Variants in DGKG observed in about 807,000 individuals in gnomAD.
The protein encoded by DGKG is DAG kinase gamma.
Under a neutral mutation model 105.3 loss-of-function variants are expected in DGKG, and 78 were observed. The observed-to-expected ratio is 0.74, with a 90% CI of 0.62 to 0.89. The LOEUF (loss-of-function observed/expected upper bound fraction) is 0.89. Ranked by LOEUF, DGKG falls within the 40% of genes least tolerant of loss-of-function variation. The probability of loss-of-function intolerance (pLI) is 0.00; values close to 1 mark genes in which losing one functional copy is unlikely to be tolerated. For synonymous variants in DGKG, 346 were observed against 367.1 expected, an observed-to-expected ratio of 0.94 and a Z score of 0.66; for missense variants, 958 against 1,020.1, an observed-to-expected ratio of 0.94 and a Z score of 0.83.
chr3:186,182,213 A>G (rs1717393282), intron 22 of DGKG, among the ~76,000 whole-genome samples: 1 of 152,262 alleles, frequency 6.6e-6, no homozygotes, highest in Non-Finnish European at 1.5e-5. Flanking sequence ...TTAGAGCCAC[A>G]GGCAATTTAA....
chr3:186,261,661 G>A (rs562521042), intron 15 of DGKG, 38 bp downstream of exon 15: 42 of 1,442,986 alleles, frequency 2.9e-5, no homozygotes, highest in Non-Finnish European at 3.5e-5. Context: ...GAGTCGTGTC[G>A]CCCTAGTTGC....
In DGKG at chr3:186,148,735, A is replaced by T. The variant is rs1715612023; in HGVS notation, c.*1355T>A. On this transcript the variant is annotated 3_prime_UTR_variant, in exon 25 of 25. Transcript: ENST00000265022. ...GTAAATCCAGCCCAGCAGGTCTTTC[A>T]TGCTTGTTTTGAGGATCCAGAATAG... 2.0e-6 allele frequency: 2 copies of T among 985,262 alleles called. No individual in the cohort carries two copies. The highest frequency in any genetic ancestry group is 9.4e-5 in the South Asian group (2 of 21,272). 61.0% of individuals were successfully genotyped at this position (985,262 alleles called of 1,614,324 possible). A position where few individuals can be genotyped will look rare whatever the true frequency, so the allele number is the denominator to read the frequency against.
At chr3:186,244,807 TC>T (rs1720860891) in intron 19 of DGKG, among the ~76,000 whole-genome samples, 1 of 151,898 alleles carries the variant, frequency 6.6e-6, no homozygotes, top group South Asian at 2.1e-4. Context: ...GAGGCCTCTG[TC>T]CCTGAGGCCT....
rs10692822 is a variant in DGKG at position 186,218,502 on chromosome 3, G to GAAAA, written c.1827-6621_1827-6618dup. 8.5e-5 allele frequency among the ~76,000 whole-genome samples: 6 copies of GAAAA among 70,374 alleles called. 1 individual carries two copies. Among genetic ancestry groups the GAAAA allele is most frequent in the Non-Finnish European group, 1.2e-4 (5 of 41,126 alleles). 46.2% of individuals were successfully genotyped at this position (70,374 alleles called of 152,430 possible). On this transcript the variant is annotated intron_variant, in intron 20 of 24. Transcript: ENST00000265022. ...CTGGCGACAGAGCGAGACTCCGTCT[G>GAAAA]AAAAAAAAAAAAAAAAAAAAAAAAT... is the stretch of plus-strand genomic sequence containing the variant.
chr3:186,317,191 T>C (rs1242889268), intron 2 of DGKG, among the ~76,000 whole-genome samples: 1 of 152,254 alleles, frequency 6.6e-6, no homozygotes, highest in Non-Finnish European at 1.5e-5. Flanking sequence ...CCCTCCATGC[T>C]GCACTCTTTT....
chr3:186,340,910 G>A (rs1044664106), intron 1 of DGKG, among the ~76,000 whole-genome samples: 3 of 152,062 alleles, frequency 2.0e-5, no homozygotes, highest in Non-Finnish European at 4.4e-5. Context: ...CAGTTTCTGG[G>A]TAGGGGCTTC....
intron 21 of DGKG, among the ~76,000 whole-genome samples, chr3:186,189,674 G>T (rs1389168564): frequency 6.6e-6 from 1 of 152,174 alleles, no homozygotes; most frequent in Admixed American, 6.5e-5. Flanking sequence ...TAGAAGACTT[G>T]TTGCCATTCA....
At position 186,211,898 on chromosome 3, in the gene DGKG, G is replaced by A; in HGVS notation, c.1827-13C>T. The A allele has an allele frequency of 2.5e-6, 4 of 1,601,826 alleles. No individual in the cohort carries two copies. Among genetic ancestry groups the A allele is most frequent in the Non-Finnish European group, 3.4e-6 (4 of 1,168,842 alleles). On this transcript the variant is annotated splice_polypyrimidine_tract_variant and intron_variant, in intron 20 of 24. Transcript: ENST00000265022. ...CTTGTTCTTCATCCTGGACCACAAA[G>A]CAGAGAGATGTCTCAATATTCCATA...
At chr3:186,190,401 A>C (rs1717848648) in intron 21 of DGKG, among the ~76,000 whole-genome samples, 1 of 152,208 alleles carries the variant, frequency 6.6e-6, no homozygotes, top group Admixed American at 6.5e-5. Context: ...TGGCTACCAC[A>C]CCAGTACTTC....
intron 24 of DGKG, 177 bp downstream of exon 24, chr3:186,161,426 C>T: frequency 2.1e-6 from 3 of 1,436,472 alleles, no homozygotes; most frequent in Non-Finnish European, 1.8e-6. Context: ...AGCAGGTTTT[C>T]ATTAAGAGTT....
intron 22 of DGKG, among the ~76,000 whole-genome samples, chr3:186,177,982 T>C (rs1717167169): frequency 6.6e-6 from 1 of 152,188 alleles, no homozygotes; most frequent in South Asian, 2.1e-4. Flanking sequence ...AATCATATTA[T>C]GAGGGTGGAG....
At chr3:186,178,887 A>G (rs998070622) in intron 22 of DGKG, among the ~76,000 whole-genome samples, 1 of 152,254 alleles carries the variant, frequency 6.6e-6, no homozygotes, top group Non-Finnish European at 1.5e-5. Flanking sequence ...CAGATGCACC[A>G]ATTAGTGTGA....
intron 1 of DGKG, among the ~76,000 whole-genome samples, chr3:186,344,662 A>G (rs1239926566): frequency 6.6e-6 from 1 of 152,170 alleles, no homozygotes; most frequent in East Asian, 1.9e-4. Context: ...TACCTGGGTG[A>G]TGAAATAATC....
intron 21 of DGKG, among the ~76,000 whole-genome samples, chr3:186,208,034 C>T (rs574109731): frequency 2.6e-5 from 4 of 152,038 alleles, no homozygotes; most frequent in Non-Finnish European, 4.4e-5. Context: ...GGCTTTTTTT[C>T]TTTCTTTCTT....
At chr3:186,183,716 T>C (rs946689135) in intron 22 of DGKG, among the ~76,000 whole-genome samples, 2 of 152,090 alleles carry the variant, frequency 1.3e-5, no homozygotes, top group Non-Finnish European at 2.9e-5. Context: ...TCTTTTTTTT[T>C]TTCTTGAGAT....
chr3:186,241,964 G>T (rs1178658113), intron 20 of DGKG, among the ~76,000 whole-genome samples: 1 of 152,144 alleles, frequency 6.6e-6, no homozygotes, highest in African/African-American at 2.4e-5. Flanking sequence ...AGTGGGTTCC[G>T]GGTCTCCAGC....
At chr3:186,182,568 A>G (rs1358741609) in intron 22 of DGKG, among the ~76,000 whole-genome samples, 3 of 152,288 alleles carry the variant, frequency 2.0e-5, no homozygotes, top group Non-Finnish European at 2.9e-5. Context: ...CCCTCTCTCA[A>G]TTGCAAGTCC....
At chr3:186,243,965 C>T (rs185063870) in intron 19 of DGKG, among the ~76,000 whole-genome samples, 14 of 137,144 alleles carry the variant, frequency 1.0e-4, no homozygotes, top group Admixed American at 6.5e-4. Context: ...GGCATGATCT[C>T]GTCTCACTGC....
chr3:186,327,558 C>T (rs1464265285), intron 1 of DGKG, among the ~76,000 whole-genome samples: 2 of 151,678 alleles, frequency 1.3e-5, no homozygotes, highest in Admixed American at 1.3e-4. Context: ...GTGTATGCCA[C>T]TATGACCTGC....
Sources: allele counts gnomAD v4.1 joint callset (sites outside exome capture counted in the v4.1 genomes callset), GRCh38; gene constraint gnomAD v4.1.1; transcripts MANE v1.5; gene names NCBI Gene and HGNC (gene_info 2026-07-23, HGNC 2026-07-21).